BTNL8: variants seen among roughly 807,000 people sequenced by gnomAD.
BTNL8 encodes the protein butyrophilin like 8, also known as butyrophilin-like protein 8.
BTNL8 carries 22 observed loss-of-function variants against 36.1 expected under a neutral mutation model. The ratio of observed to expected loss-of-function variants is 0.61; its 90% CI spans 0.44 to 0.87. BTNL8 has a LOEUF of 0.87. Among genes scored for constraint, BTNL8 ranks in the 40% least tolerant of loss-of-function variants. BTNL8 has a pLI of 0.00. For missense variants in BTNL8, 526 were observed against 616.9 expected, an observed-to-expected ratio of 0.85 and a Z score of 1.56; for synonymous variants, 203 against 235.6, an observed-to-expected ratio of 0.86 and a Z score of 1.27.
chr5:180,922,144 A>G (rs1463944461), intron 3 of BTNL8, among the ~76,000 whole-genome samples: 2 of 151,248 alleles, frequency 1.3e-5, no homozygotes, highest in Non-Finnish European at 3.0e-5. Flanking sequence ...TCAAAATCCA[A>G]CTCTGGATTC....
chr5:180,920,809 T>A (rs929502019), intron 3 of BTNL8, among the ~76,000 whole-genome samples: 1 of 151,982 alleles, frequency 6.6e-6, no homozygotes, highest in African/African-American at 2.4e-5. Context: ...AAAAGACATA[T>A]AAATATTAAT....
In BTNL8 at chr5:180,950,084, G is replaced by A. The variant is rs764178692; in HGVS notation, c.1043G>A (p.Gly348Glu). 1.3e-5 allele frequency: 19 copies of A among 1,463,060 alleles called. 3 individuals carry two copies. Among genetic ancestry groups the A allele is most frequent in the Non-Finnish European group, 1.5e-5 (16 of 1,058,870 alleles). 90.6% of individuals were successfully genotyped at this position (1,463,060 alleles called of 1,614,324 possible). A position where few individuals can be genotyped will look rare whatever the true frequency, so the allele number is the denominator to read the frequency against. The change falls in exon 8 of 8, where the codon GGA becomes GAA. Residue 348 changes from glycine (G) to glutamate (E), a missense_variant. Around this residue, in one of 2 missense-constraint regions of BTNL8, gnomAD observed 176 missense variants for 292.3 expected, o/e 0.60. Transcript: ENST00000340184. Reference protein sequence around the residue: ...AGKHYWEVDGGHNKRWRVGVC... With the variant: ...AGKHYWEVDGEHNKRWRVGVC... ...AAACATTACTGGGAGGTGGACGGAG[G>A]ACACAATAAAAGGTGGCGCGTGGGA...
chr5:180,933,978 T>TG lies in BTNL8; in HGVS notation c.674-13533dup, dbSNP rs1243603780. Among the ~76,000 whole-genome samples, 4 of 115,240 alleles carry TG rather than the reference T, an allele frequency of 3.5e-5. No homozygotes were observed. In the East Asian group the frequency reaches 9.1e-4, roughly 26 times the overall value. The allele number at this position is 115,240 out of a possible 152,430, so 75.6% of individuals were successfully genotyped here. On this transcript the variant is annotated intron_variant, in intron 3 of 7. Coordinates refer to ENST00000340184, the MANE Select transcript of BTNL8 (RefSeq NM_001040462.3). ...TGATACCAATATCAGACAAGGACAC[T>TG]GAAAAAAAAAGAAAACTACAGGCCA...
At chr5:180,912,006 G>A (rs868745960) in intron 3 of BTNL8, among the ~76,000 whole-genome samples, 33 of 152,284 alleles carry the variant, frequency 2.2e-4, no homozygotes, top group African/African-American at 7.9e-4. Context: ...CCTCCATAAT[G>A]CGGGTGGGCT....
chr5:180,929,889 A>G (rs1262794115), intron 3 of BTNL8, among the ~76,000 whole-genome samples: 1 of 152,236 alleles, frequency 6.6e-6, no homozygotes, highest in African/African-American at 2.4e-5. Context: ...AGAGGTACAA[A>G]GAGGAGCTGG....
intron 1 of BTNL8, chr5:180,902,360 C>T (rs1313513288): frequency 5.2e-6 from 8 of 1,550,544 alleles, no homozygotes; most frequent in Middle Eastern, 1.7e-4. Flanking sequence ...TCCTCAAGAT[C>T]GAATGAAGTA....
intron 3 of BTNL8, among the ~76,000 whole-genome samples, chr5:180,920,821 G>A (rs1320843399): frequency 1.3e-5 from 2 of 151,898 alleles, no homozygotes; most frequent in African/African-American, 2.4e-5. Flanking sequence ...AATATTAATA[G>A]CCAAGAGATT....
chr5:180,914,758 C>T (rs966928048), intron 3 of BTNL8, among the ~76,000 whole-genome samples: 5 of 152,126 alleles, frequency 3.3e-5, no homozygotes, highest in African/African-American at 1.2e-4. Context: ...TTAACAACTA[C>T]CATGAACAAA....
In BTNL8 at chr5:180,911,482, A is replaced by G; in HGVS notation, c.541A>G (p.Thr181Ala). The G allele has an allele frequency of 6.2e-7, 1 of 1,614,190 alleles. No individual in the cohort carries two copies. The highest frequency in any genetic ancestry group is 2.2e-5 in the East Asian group (1 of 44,876). ...QGQDLSTDSR[T>A]NRDMHGLFDV... Reference sequence around the variant, plus strand: ...ACAGGATTTGTCCACAGACTCCAGGACAAACAGAGACATGCATGGCCTGTT... The same window carrying G: ...ACAGGATTTGTCCACAGACTCCAGGGCAAACAGAGACATGCATGGCCTGTT... The change falls in exon 3 of 8, where the codon ACA (threonine) becomes GCA (alanine). Residue 181 changes from threonine (T) to alanine (A), a missense_variant. By Grantham distance (58) the Thr-to-Ala change is moderately conservative. Transcript: ENST00000340184.
At chr5:180,901,963 A>C (rs1387529122) in intron 1 of BTNL8, among the ~76,000 whole-genome samples, 1 of 152,224 alleles carries the variant, frequency 6.6e-6, no homozygotes, top group Non-Finnish European at 1.5e-5. Flanking sequence ...GAACAAGCAG[A>C]TTTTCAAAAA....
chr5:180,947,903 C>T, intron 4 of BTNL8: 1 of 1,135,274 alleles, frequency 8.8e-7, no homozygotes, highest in Non-Finnish European at 1.2e-6. Context: ...TTTCCATGAA[C>T]ACCACCAAGA....
At chr5:180,912,150 C>A (rs554813055) in intron 3 of BTNL8, among the ~76,000 whole-genome samples, 1 of 152,300 alleles carries the variant, frequency 6.6e-6, no homozygotes, top group South Asian at 2.1e-4. Flanking sequence ...GGCCTTCAGA[C>A]TCAAACTGAA....
At chr5:180,939,671 T>C (rs532406304) in intron 3 of BTNL8, among the ~76,000 whole-genome samples, 2 of 152,288 alleles carry the variant, frequency 1.3e-5, no homozygotes, top group East Asian at 3.9e-4. Context: ...ACACTCACCA[T>C]TGGACAGATC....
Position 180,911,382 on chromosome 5 carries a change from T to C in BTNL8, c.441T>C (p.Asp147=). 1 of 1,614,136 alleles carries C rather than the reference T, an allele frequency of 6.2e-7. No homozygotes were observed. Among genetic ancestry groups the C allele is most frequent in the Middle Eastern group, 1.6e-4 (1 of 6,062 alleles). The change falls in exon 3 of 8, where the codon GAT becomes GAC. Residue 147 remains aspartate (D), a synonymous_variant. Transcript: ENST00000340184. ...TCATTTCCATCACGGGATATGTTGA[T>C]AGAGACATCCAGCTACTCTGTCAGT... ...VPLISITGYV[D]RDIQLLCQSS...
At position 180,908,840 on chromosome 5, in the gene BTNL8, G is replaced by T. The variant is rs1288495484; in HGVS notation, c.304G>T (p.Glu102Ter). Reference protein sequence around the residue: ...IAEGRISLRLENITVLDAGLY... With the variant: ...IAEGRISLRL ...GGAGGGGCGCATCTCTCTGAGGCTG[G>T]AAAACATTACTGTGTTGGATGCTGG... Residue 102 changes from glutamate (E) to a stop codon, truncating the protein, a stop_gained, in exon 2 of 8, where the codon GAA (glutamate) becomes TAA (stop). Coordinates refer to ENST00000340184, the MANE Select transcript of BTNL8 (RefSeq NM_001040462.3). LOFTEE classifies it high-confidence loss of function. The T allele has an allele frequency of 1.2e-6, 2 of 1,614,080 alleles. No individual in the cohort carries two copies. The highest frequency in any genetic ancestry group is 1.7e-6 in the Non-Finnish European group (2 of 1,180,048).
At chr5:180,917,953 C>T (rs1469354028) in intron 3 of BTNL8, among the ~76,000 whole-genome samples, 16 of 149,882 alleles carry the variant, frequency 1.1e-4, no homozygotes, top group Admixed American at 4.0e-4. Context: ...GGCGTGAACC[C>T]GGGAGGTGGA....
At chr5:180,932,612 G>A (rs1473546066) in intron 3 of BTNL8, among the ~76,000 whole-genome samples, 4 of 152,102 alleles carry the variant, frequency 2.6e-5, no homozygotes, top group African/African-American at 4.8e-5. Context: ...GCCTCCCAAA[G>A]TGCTGGGATT....
chr5:180,915,342 A>G (rs1757578873), intron 3 of BTNL8, among the ~76,000 whole-genome samples: 1 of 152,216 alleles, frequency 6.6e-6, no homozygotes, highest in Non-Finnish European at 1.5e-5. Context: ...TGCAGTCAGA[A>G]CACAGATAGC....
At chr5:180,908,969 G>A (rs1438226205) in intron 2 of BTNL8, 36 bp downstream of exon 2, 1 of 1,576,406 alleles carries the variant, frequency 6.3e-7, no homozygotes, top group East Asian at 2.2e-5. Context: ...TTGTCCCAAA[G>A]AACCATCCTG....
Sources: gnomAD v4.1 joint callset for allele counts (sites outside exome capture counted in the v4.1 genomes callset) on GRCh38, gnomAD v4.1.1 for gene constraint, gnomAD v4.1.1 regional missense constraint, MANE v1.5 for transcripts, NCBI Gene and HGNC (gene_info 2026-07-23, HGNC 2026-07-21) for gene names.